The following ASB1 variants were observed in gnomAD, a reference collection of about 807,000 sequenced individuals.
The protein encoded by ASB1 is ankyrin repeat and SOCS box protein 1.
ASB1 carries 18 observed loss-of-function variants against 27.7 expected under a neutral mutation model. That is an observed-to-expected ratio of 0.65 (90% CI 0.45 to 0.96). The LOEUF (loss-of-function observed/expected upper bound fraction) is 0.96, where lower values mean the gene tolerates loss of function less well. Among genes scored for constraint, ASB1 ranks in the 50% least tolerant of loss-of-function variants. The pLI is 0.00. For synonymous variants in ASB1, 189 were observed against 187.6 expected (o/e 1.01, Z -0.06); for missense variants, 397 against 451.7 (o/e 0.88, Z 1.10).
chr2:238,433,885 C>T (rs1275750024), intron 2 of ASB1, among the ~76,000 whole-genome samples, 190 bp downstream of exon 2: 1 of 152,182 alleles, frequency 6.6e-6, no homozygotes, highest in Admixed American at 6.5e-5. Flanking sequence ...ACAGTGTGGG[C>T]AGGGAGACCT....
At chr2:238,443,525 G>T (rs1005515887) in intron 3 of ASB1, among the ~76,000 whole-genome samples, 1 of 152,124 alleles carries the variant, frequency 6.6e-6, no homozygotes, top group Non-Finnish European at 1.5e-5. Flanking sequence ...GATTGCACAG[G>T]GTACCTTTAA....
At chr2:238,428,854 G>A (rs1701813163) in intron 1 of ASB1, among the ~76,000 whole-genome samples, 1 of 152,170 alleles carries the variant, frequency 6.6e-6, no homozygotes, top group Admixed American at 6.5e-5. Flanking sequence ...CCAGAAGAGG[G>A]CTCAGCAAAA....
At position 238,435,933 on chromosome 2, in the gene ASB1, C is replaced by T. The variant is rs34796278; in HGVS notation, c.414C>T (p.Asn138=). The part of the protein sequence containing the change: ...QILLEAGADP[N]GSRHHRSTPV... The stretch of plus-strand genomic sequence containing the variant: ...TTCTCGAAGCTGGCGCGGACCCCAA[C>T]GGAAGCCGGCACCATCGCAGCACCC... Residue 138 remains asparagine, a synonymous_variant, in exon 3 of 5, where the codon AAC becomes AAT. Transcript: ENST00000264607. 2.9e-3 allele frequency: 4,719 copies of T among 1,614,178 alleles called. 12 individuals are homozygous for T. Among genetic ancestry groups the T allele is most frequent in the African/African-American group, 4.2e-3 (314 of 75,072 alleles).
At chr2:238,445,381 AT>A (rs1338543879) in intron 4 of ASB1, among the ~76,000 whole-genome samples, 1 of 152,188 alleles carries the variant, frequency 6.6e-6, no homozygotes, top group East Asian at 1.9e-4. Context: ...CTTAAAACAA[AT>A]TGCAAGCGGG....
At chr2:238,428,012 A>G (rs1035556200) in intron 1 of ASB1, among the ~76,000 whole-genome samples, 4 of 152,142 alleles carry the variant, frequency 2.6e-5, no homozygotes, top group African/African-American at 4.8e-5. Context: ...CCTCCTTCCA[A>G]TCATTTAACA....
In ASB1 at chr2:238,451,926, A is replaced by AACTTGGGGC. The variant is rs1702293899; in HGVS notation, c.*5416_*5424dup. Reference sequence around the variant, plus strand: ...CAGGAGTTTTCACCTGCTCTGAGGGAACTTGGGGCTCCAGGGACGTACCCC... The same window carrying AACTTGGGGC: ...CAGGAGTTTTCACCTGCTCTGAGGGAACTTGGGGCACTTGGGGCTCCAGGGACGTACCCC... On this transcript the variant is annotated 3_prime_UTR_variant, in exon 5 of 5. Coordinates refer to ENST00000264607, the MANE Select transcript of ASB1 (RefSeq NM_001040445.3). 1 of 152,460 alleles carries AACTTGGGGC rather than the reference A, an allele frequency of 6.6e-6. No individual in the cohort carries two copies. The highest frequency in any genetic ancestry group is 2.4e-5 in the African/African-American group (1 of 41,572). 9.4% of individuals were successfully genotyped at this position (152,460 alleles called of 1,614,324 possible). A position where few individuals can be genotyped will look rare whatever the true frequency, so the allele number is the denominator to read the frequency against.
In ASB1 at chr2:238,447,132, A is replaced by G. The variant is rs1702196318; in HGVS notation, c.*621A>G. The G allele has an allele frequency of 6.5e-6, 1 of 153,392 alleles. No homozygotes were observed. Among genetic ancestry groups the G allele is most frequent in the South Asian group, 2.1e-4 (1 of 4,874 alleles). 9.5% of individuals were successfully genotyped at this position (153,392 alleles called of 1,614,324 possible). A position where few individuals can be genotyped will look rare whatever the true frequency, so the allele number is the denominator to read the frequency against. ...CTGCACGGCACCTGTTCCAACACCTACTGTGCCTCTCATCAGGTGTCACGA... is the reference window on the plus strand; with the variant it reads ...CTGCACGGCACCTGTTCCAACACCTGCTGTGCCTCTCATCAGGTGTCACGA... On this transcript the variant is annotated 3_prime_UTR_variant, in exon 5 of 5. Transcript: ENST00000264607.
intron 3 of ASB1, among the ~76,000 whole-genome samples, chr2:238,436,335 CTTA>C (rs1324345908): frequency 1.3e-5 from 2 of 151,818 alleles, no homozygotes; most frequent in South Asian, 2.1e-4. Context: ...AGGCTTTTTC[CTTA>C]TTATTTAAAT....
intron 1 of ASB1, among the ~76,000 whole-genome samples, chr2:238,430,020 A>G (rs940198329): frequency 6.6e-6 from 1 of 152,130 alleles, no homozygotes; most frequent in African/African-American, 2.4e-5. Flanking sequence ...TTATTGCTGA[A>G]AAATGCTAAC....
chr2:238,427,157 G>A lies in ASB1; in HGVS notation c.49+38G>A, dbSNP rs1048449893. 2.5e-4 allele frequency: 306 copies of A among 1,228,150 alleles called. 2 individuals carry two copies. Among genetic ancestry groups the A allele is most frequent in the Non-Finnish European group, 2.9e-4 (284 of 982,154 alleles). 76.1% of individuals were successfully genotyped at this position (1,228,150 alleles called of 1,614,324 possible). Reference sequence around the variant, plus strand: ...CGGCCACTGGGCCGCGGGGCGTGTGGGGATGGCGAAGGGCTGGCTCCGGCG... The same window carrying A: ...CGGCCACTGGGCCGCGGGGCGTGTGAGGATGGCGAAGGGCTGGCTCCGGCG... On this transcript the variant is annotated intron_variant, in intron 1 of 4. Transcript: ENST00000264607.
At chr2:238,427,802 A>T (rs567475912) in intron 1 of ASB1, 5 of 152,550 alleles carry the variant, frequency 3.3e-5, no homozygotes, top group Admixed American at 6.5e-5. Flanking sequence ...GTGTGGTGGG[A>T]GTTCCTTCTT....
intron 1 of ASB1, among the ~76,000 whole-genome samples, chr2:238,430,042 C>A (rs1386926511): frequency 6.6e-6 from 1 of 152,098 alleles, no homozygotes; most frequent in Non-Finnish European, 1.5e-5. Flanking sequence ...ATCATCTGAG[C>A]TCTCAGTGAG....
At chr2:238,440,374 ACCT>A (rs1350766169) in intron 3 of ASB1, among the ~76,000 whole-genome samples, 3 of 152,144 alleles carry the variant, frequency 2.0e-5, no homozygotes, top group Admixed American at 6.5e-5. Flanking sequence ...TCACCTGGCT[ACCT>A]TTAATCCAGG....
chr2:238,433,333 C>T (rs71426529), intron 1 of ASB1: 6,781 of 516,496 alleles, frequency 0.013, 99 homozygotes, highest in Non-Finnish European at 0.014. Context: ...GCTGTGTTGC[C>T]CAGGCTGATC....
chr2:238,446,402 T>C lies in ASB1; in HGVS notation c.899T>C (p.Leu300Pro). 2 of 1,610,586 alleles carry C rather than the reference T, an allele frequency of 1.2e-6. No individual in the cohort carries two copies. Among genetic ancestry groups the C allele is most frequent in the African/African-American group, 1.3e-5 (1 of 74,974 alleles). The stretch of plus-strand genomic sequence containing the variant: ...CCTTCAGGTGTTCCCAGAACCTTGC[T>C]GTGTCTGTGCCGTGTGGCTGTGAGA... Reference protein sequence around the residue: ...KEARSVPRTLLCLCRVAVRRA... With the variant: ...KEARSVPRTLPCLCRVAVRRA... The change falls in exon 5 of 5, where the codon CTG (leucine) becomes CCG (proline). Residue 300 changes from leucine (L) to proline (P), a missense_variant. Physicochemically the swap from Leu to Pro is moderately conservative, Grantham distance 98. Coordinates refer to ENST00000264607, the MANE Select transcript of ASB1 (RefSeq NM_001040445.3).
At chr2:238,438,304 A>G (rs947797463) in intron 3 of ASB1, among the ~76,000 whole-genome samples, 8 of 140,166 alleles carry the variant, frequency 5.7e-5, no homozygotes, top group Admixed American at 5.6e-4. Context: ...GGTTCACACC[A>G]TTCTCCTGCC....
intron 3 of ASB1, among the ~76,000 whole-genome samples, chr2:238,437,715 A>C (rs918422146): frequency 2.6e-5 from 4 of 152,164 alleles, no homozygotes; most frequent in Non-Finnish European, 5.9e-5. Flanking sequence ...TTCTCAGGGA[A>C]ATTTTTCTGT....
Position 238,435,894 on chromosome 2 carries a change from G to T in ASB1, c.375G>T (p.Glu125Asp). ...TGGCTGTGGTGAACGGGCACCTAGA[G>T]AGTACCCAGATCCTTCTCGAAGCTG... Reference protein sequence around the residue: ...LYVAVVNGHLESTQILLEAGA... With the variant: ...LYVAVVNGHLDSTQILLEAGA... The change falls in exon 3 of 5, where the codon GAG (glutamate) becomes GAT (aspartate). Residue 125 changes from glutamate (E) to aspartate (D), a missense_variant. Coordinates refer to ENST00000264607, the MANE Select transcript of ASB1 (RefSeq NM_001040445.3). The T allele has an allele frequency of 1.2e-6, 2 of 1,614,238 alleles. No homozygotes were observed. The highest frequency in any genetic ancestry group is 1.7e-6 in the Non-Finnish European group (2 of 1,180,048).
Position 238,446,469 on chromosome 2 carries a change from G to T in ASB1, c.966G>T (p.Leu322=). Residue 322 remains leucine, a synonymous_variant, in exon 5 of 5, where the codon CTG becomes CTT. Coordinates refer to ENST00000264607, the MANE Select transcript of ASB1 (RefSeq NM_001040445.3). The part of the protein sequence containing the change: ...GKHRLHLIPS[L]PLPDPIKKFL... ...ACCGGCTTCATCTGATTCCTTCGCT[G>T]CCTCTGCCAGACCCCATAAAGAAGT... 6.2e-7 allele frequency: 1 copy of T among 1,614,176 alleles called. No homozygotes were observed. Among genetic ancestry groups the T allele is most frequent in the South Asian group, 1.1e-5 (1 of 91,084 alleles).
Sources: gnomAD v4.1 joint callset for allele counts (sites outside exome capture counted in the v4.1 genomes callset) on GRCh38, gnomAD v4.1.1 for gene constraint, MANE v1.5 for transcripts, NCBI Gene and HGNC (gene_info 2026-07-23, HGNC 2026-07-21) for gene names.